ETV1: variants seen among roughly 807,000 people sequenced by gnomAD.
ETV1 encodes ETS translocation variant 1.
A neutral mutation model predicts 62.3 loss-of-function variants in ETV1; 27 were observed. That is an observed-to-expected ratio of 0.43 (90% CI 0.32 to 0.60). The LOEUF is 0.60. ETV1 is among the 20% of genes least tolerant of loss of function. The probability of loss-of-function intolerance (pLI) is 0.06; values close to 1 mark genes in which losing one functional copy is unlikely to be tolerated. For missense variants in ETV1, 605 were observed against 605.8 expected (o/e 1.00, Z 0.01); for synonymous variants, 222 against 199.6 (o/e 1.11, Z -0.94).
chr7:13,972,424 C>T (rs1328261455), intron 6 of ETV1, among the ~76,000 whole-genome samples: 1 of 152,096 alleles, frequency 6.6e-6, no homozygotes, highest in South Asian at 2.1e-4. Flanking sequence ...CAAGTGAGAC[C>T]CTGTCTCAGA....
chr7:13,918,746 G>A (rs1318657168), intron 9 of ETV1, among the ~76,000 whole-genome samples: 2 of 151,326 alleles, frequency 1.3e-5, no homozygotes, highest in African/African-American at 2.4e-5. Context: ...ACGGGGGAGG[G>A]ATAGCATTGG....
intron 8 of ETV1, among the ~76,000 whole-genome samples, chr7:13,933,629 A>T (rs1369435895): frequency 6.6e-6 from 1 of 152,184 alleles, no homozygotes; most frequent in Non-Finnish European, 1.5e-5. Context: ...TTTTGGGGAA[A>T]GGATCTGTTC....
At chr7:13,950,423 C>T (rs1342550760) in intron 6 of ETV1, among the ~76,000 whole-genome samples, 2 of 152,096 alleles carry the variant, frequency 1.3e-5, no homozygotes, top group Non-Finnish European at 2.9e-5. Context: ...ACTTCACACT[C>T]TCTTGCAGGG....
intron 9 of ETV1, among the ~76,000 whole-genome samples, chr7:13,913,017 G>C (rs558482559): frequency 2.6e-4 from 39 of 152,198 alleles, no homozygotes; most frequent in Non-Finnish European, 4.7e-4. Context: ...ATTGCCTGCT[G>C]CTTTCATTTC....
chr7:13,970,933 A>C (rs1780835735), intron 6 of ETV1, among the ~76,000 whole-genome samples: 1 of 151,970 alleles, frequency 6.6e-6, no homozygotes, highest in Non-Finnish European at 1.5e-5. Flanking sequence ...TCATTGAAAA[A>C]AAAAAGTCAA....
chr7:13,959,260 A>C (rs1789864196), intron 6 of ETV1, among the ~76,000 whole-genome samples: 1 of 152,158 alleles, frequency 6.6e-6, no homozygotes. Context: ...TAATTGACAT[A>C]CCACGGTTAC....
intron 6 of ETV1, chr7:13,975,090 A>C (rs931201974): frequency 2.0e-5 from 3 of 152,234 alleles, no homozygotes; most frequent in Non-Finnish European, 4.4e-5. Context: ...GACATGTCTA[A>C]ATTTAAAATA....
chr7:13,899,955 G>A (rs570428410), intron 13 of ETV1, among the ~76,000 whole-genome samples: 10 of 152,062 alleles, frequency 6.6e-5, no homozygotes, highest in South Asian at 2.1e-4. Flanking sequence ...ATGGCGAAAC[G>A]CCATCTCTTC....
At chr7:13,916,458 T>G (rs899318215) in intron 9 of ETV1, among the ~76,000 whole-genome samples, 15 of 151,830 alleles carry the variant, frequency 9.9e-5, no homozygotes, top group African/African-American at 3.4e-4. Flanking sequence ...GCCAACATGG[T>G]GAAAACCTGT....
intron 5 of ETV1, chr7:13,985,617 A>T (rs1782474365): frequency 6.3e-6 from 1 of 159,856 alleles, no homozygotes. Flanking sequence ...ACCATCTTAA[A>T]ATCTGTTCCA....
At chr7:13,972,099 G>A (rs1318297270) in intron 6 of ETV1, among the ~76,000 whole-genome samples, 1 of 151,912 alleles carries the variant, frequency 6.6e-6, no homozygotes, top group Non-Finnish European at 1.5e-5. Context: ...GATACAGCGA[G>A]ACTCTGTCTC....
At chr7:13,941,461 A>C (rs985714696) in intron 6 of ETV1, among the ~76,000 whole-genome samples, 2 of 152,216 alleles carry the variant, frequency 1.3e-5, no homozygotes, top group Non-Finnish European at 2.9e-5. Context: ...AAATGGTAAA[A>C]GCCAATTGAA....
rs576976597 is a variant in ETV1, at chr7:13,956,321, AT to A, written c.236-17076del. Among the ~76,000 whole-genome samples, 69 of 148,058 alleles carry A rather than the reference AT, an allele frequency of 4.7e-4. 1 individual carries two copies. The highest frequency in any genetic ancestry group is 3.5e-3 in the Middle Eastern group (1 of 284). ...AACCTCCCAGCTGCTAGTTCACAGG[AT>A]TTTTTTTTTTATCGGCTCTAGAGTC... On this transcript the variant is annotated intron_variant, in intron 6 of 13. Transcript: ENST00000430479.
chr7:13,973,382 C>T (rs1430391101), intron 6 of ETV1, among the ~76,000 whole-genome samples: 1 of 152,116 alleles, frequency 6.6e-6, no homozygotes, highest in Non-Finnish European at 1.5e-5. Flanking sequence ...GATCCCTCTG[C>T]CCCCACTAAG....
chr7:13,986,328 T>G, intron 5 of ETV1: 1 of 1,491,768 alleles, frequency 6.7e-7, no homozygotes, highest in Non-Finnish European at 8.8e-7. Flanking sequence ...AATATAAACC[T>G]GATCAATTGC....
chr7:13,975,729 G>T (rs552746897), intron 6 of ETV1, among the ~76,000 whole-genome samples: 7 of 151,844 alleles, frequency 4.6e-5, no homozygotes, highest in African/African-American at 1.5e-4. Context: ...AGAAAATCAC[G>T]CCAGTGTGAC....
chr7:13,990,721 T>C (rs1782964418), upstream of ETV1: 1 of 152,160 alleles, frequency 6.6e-6, no homozygotes, highest in Admixed American at 6.5e-5. Flanking sequence ...CTCAGAACAG[T>C]AAAGCGTCAC....
At chr7:13,899,175 T>C (rs1247024884) in intron 13 of ETV1, among the ~76,000 whole-genome samples, 1 of 152,124 alleles carries the variant, frequency 6.6e-6, no homozygotes, top group African/African-American at 2.4e-5. Flanking sequence ...CCAGGCAATG[T>C]GCCCCCGCAT....
At chr7:13,984,896 A>G (rs1228416601) in intron 5 of ETV1, among the ~76,000 whole-genome samples, 2 of 148,786 alleles carry the variant, frequency 1.3e-5, no homozygotes, top group African/African-American at 5.0e-5. Context: ...CACTTATCTG[A>G]GCTACAAGAC....
Sources: allele counts gnomAD v4.1 joint callset (sites outside exome capture counted in the v4.1 genomes callset), GRCh38; gene constraint gnomAD v4.1.1; transcripts MANE v1.5; gene names NCBI Gene and HGNC (gene_info 2026-07-23, HGNC 2026-07-21).